SLCO1A2: variants seen among roughly 807,000 people sequenced by gnomAD.
SLCO1A2 encodes OATP-1.
Under a neutral mutation model 69.0 loss-of-function variants are expected in SLCO1A2, and 67 were observed. The ratio of observed to expected loss-of-function variants is 0.97; its 90% confidence interval spans 0.80 to 1.19. The LOEUF (loss-of-function observed/expected upper bound fraction) is 1.19. SLCO1A2 is among the 50% of genes most tolerant of loss of function. The pLI, the probability that SLCO1A2 is intolerant of heterozygous loss-of-function variation, is 0.00. For synonymous variants in SLCO1A2, 260 were observed against 265.9 expected, an observed-to-expected ratio of 0.98 and a Z score of 0.22; for missense variants, 787 against 793.7, an observed-to-expected ratio of 0.99 and a Z score of 0.10.
chr12:21,295,478 G>T, intron 10 of SLCO1A2, 119 bp downstream of exon 10: 1 of 673,276 alleles, frequency 1.5e-6, no homozygotes, highest in Non-Finnish European at 2.6e-6. Context: ...TACAGGAAAA[G>T]CATGGATTAC....
upstream of SLCO1A2, among the ~76,000 whole-genome samples, chr12:21,396,996 T>A (rs1247187347): frequency 1.9e-4 from 29 of 150,646 alleles, no homozygotes; most frequent in Admixed American, 9.9e-4. Context: ...AACATCATAA[T>A]GACAGGATCA....
rs757771743 is a variant in SLCO1A2 at position 21,306,866 on chromosome 12, C to T, written c.442+16G>A. ...TAAGTTCGCTGAACAAAAATCAATA[C>T]AATGAAGTAGACAACCTGATGGATC... On this transcript the variant is annotated intron_variant, in intron 5 of 14. Coordinates refer to ENST00000683939, the MANE Select transcript of SLCO1A2 (RefSeq NM_001386879.1). 2 of 1,583,698 alleles carry T rather than the reference C, an allele frequency of 1.3e-6. No individual in the cohort carries two copies. The highest frequency in any genetic ancestry group is 1.7e-6 in the Non-Finnish European group (2 of 1,153,104).
chr12:21,381,216 G>C (rs1329443721), intron 1 of SLCO1A2, among the ~76,000 whole-genome samples: 1 of 152,028 alleles, frequency 6.6e-6, no homozygotes, highest in Non-Finnish European at 1.5e-5. Context: ...ATAATAAACA[G>C]AGTAAACAGA....
At position 21,305,138 on chromosome 12, in the gene SLCO1A2, T is replaced by A. The variant is rs559476864; in HGVS notation, c.443-565A>T. Among the ~76,000 whole-genome samples the A allele has an allele frequency of 5.9e-4, 90 of 152,348 alleles. 1 individual carries two copies. The South Asian group carries it at 0.018, about 30-fold the overall frequency. ...ATCATCATAGGTTCTCTATAGAGCATGTTGTATACTGTAACCACCAAATAA... is the reference window on the plus strand; with the variant it reads ...ATCATCATAGGTTCTCTATAGAGCAAGTTGTATACTGTAACCACCAAATAA... On this transcript the variant is annotated intron_variant, in intron 5 of 14. Transcript: ENST00000683939.
chr12:21,396,419 G>A (rs1941462147), upstream of SLCO1A2, among the ~76,000 whole-genome samples: 1 of 148,398 alleles, frequency 6.7e-6, no homozygotes, highest in African/African-American at 2.5e-5. Context: ...AAGTGATGGG[G>A]AGAATGGAAC....
chr12:21,383,583 T>C lies in SLCO1A2; in HGVS notation c.-189-9058A>G, dbSNP rs544792214. Among the ~76,000 whole-genome samples, 110 of 152,326 alleles carry C rather than the reference T, an allele frequency of 7.2e-4. No individual in the cohort carries two copies. The Middle Eastern group carries it at 0.01, about 14-fold the overall frequency. On this transcript the variant is annotated intron_variant, in intron 1 of 15. Coordinates refer to the SLCO1A2 transcript ENST00000307378. ...CTGTCCATGGAGCCTATCATGATTC[T>C]TTCCGTCATACATAGATAAGAGTCT...
chr12:21,305,744 C>T (rs1204330916), intron 5 of SLCO1A2, among the ~76,000 whole-genome samples: 8 of 152,248 alleles, frequency 5.3e-5, no homozygotes, highest in Admixed American at 5.2e-4. Context: ...CTTTGTTTCC[C>T]CCATGGGGGT....
At chr12:21,352,968 ATAGT>A (rs923868039) in intron 2 of SLCO1A2, among the ~76,000 whole-genome samples, 1 of 152,182 alleles carries the variant, frequency 6.6e-6, no homozygotes, top group African/African-American at 2.4e-5. Flanking sequence ...TGGTTATAAA[ATAGT>A]TAGATTTCAA....
At chr12:21,275,163 G>T (rs781759020) in intron 13 of SLCO1A2, 197 bp downstream of exon 13, 4 of 782,102 alleles carry the variant, frequency 5.1e-6, no homozygotes, top group East Asian at 5.0e-5. Context: ...GGTGGGGGAA[G>T]GGGGGAGGGA....
intron 1 of SLCO1A2, among the ~76,000 whole-genome samples, chr12:21,384,476 T>C (rs888428695): frequency 1.3e-5 from 2 of 152,156 alleles, no homozygotes; most frequent in Non-Finnish European, 2.9e-5. Context: ...ACATTCCTTA[T>C]GGTATTTAGA....
chr12:21,320,075 G>A (rs925435548), intron 2 of SLCO1A2, among the ~76,000 whole-genome samples: 10 of 152,090 alleles, frequency 6.6e-5, no homozygotes, highest in African/African-American at 2.4e-4. Context: ...TCCTATTGAA[G>A]ACAGTTTCTG....
upstream of SLCO1A2, among the ~76,000 whole-genome samples, chr12:21,399,991 A>G (rs1280746954): frequency 2.0e-5 from 3 of 152,090 alleles, no homozygotes; most frequent in African/African-American, 7.2e-5. Flanking sequence ...CTAAAACACC[A>G]AAAGCAATGG....
intron 6 of SLCO1A2, among the ~76,000 whole-genome samples, chr12:21,303,964 G>A (rs957641196): frequency 1.3e-5 from 2 of 152,038 alleles, no homozygotes; most frequent in African/African-American, 2.4e-5. Flanking sequence ...CAATGCTTGA[G>A]AAAAATTATA....
intron 2 of SLCO1A2, among the ~76,000 whole-genome samples, chr12:21,327,669 ATCT>A (rs532085270): frequency 4.7e-4 from 72 of 152,142 alleles, no homozygotes; most frequent in Non-Finnish European, 8.8e-4. Context: ...TGGGGCCTCC[ATCT>A]TCTTCATTTT....
At chr12:21,378,043 A>T (rs1238087594) in intron 1 of SLCO1A2, among the ~76,000 whole-genome samples, 3 of 152,226 alleles carry the variant, frequency 2.0e-5, no homozygotes, top group African/African-American at 7.2e-5. Flanking sequence ...AAGATGTTGT[A>T]TGATTTTCAA....
At chr12:21,310,342 AAC>A (rs148678312) in intron 4 of SLCO1A2, among the ~76,000 whole-genome samples, 2,277 of 152,324 alleles carry the variant, frequency 0.015, 49 homozygotes, top group African/African-American at 0.052. Context: ...TTATGTCTGA[AAC>A]ACAATGTACA....
At chr12:21,350,866 T>TAAAAAAAAAAAAA (rs1937897768) in intron 2 of SLCO1A2, among the ~76,000 whole-genome samples, 1 of 82,280 alleles carries the variant, frequency 1.2e-5, no homozygotes, top group African/African-American at 4.6e-5. Context: ...AAAAAAAAAG[T>TAAAAAAAAAAAAA]CATGTTTCTC....
chr12:21,386,986 G>C (rs1388837346), intron 1 of SLCO1A2, among the ~76,000 whole-genome samples: 1 of 152,170 alleles, frequency 6.6e-6, no homozygotes, highest in Admixed American at 6.5e-5. Context: ...TCCAGGCTGA[G>C]GTGGTCTCAG....
At chr12:21,321,731 T>C (rs113419969) in intron 2 of SLCO1A2, among the ~76,000 whole-genome samples, 44 of 152,300 alleles carry the variant, frequency 2.9e-4, no homozygotes, top group African/African-American at 1.0e-3. Context: ...CTGGTCAATA[T>C]ATAATTCATT....
Sources: gnomAD v4.1 joint callset for allele counts (sites outside exome capture counted in the v4.1 genomes callset) on GRCh38, gnomAD v4.1.1 for gene constraint, MANE v1.5 for transcripts, NCBI Gene and HGNC (gene_info 2026-07-23, HGNC 2026-07-21) for gene names.